Variants in NELL1 observed in about 807,000 individuals in gnomAD.
NELL1 encodes the protein protein kinase C-binding protein NELL1.
In NELL1, 76 loss-of-function variants were observed where a neutral mutation model predicts 107.4. The ratio of observed to expected loss-of-function variants is 0.71; its 90% CI spans 0.59 to 0.86. The LOEUF (loss-of-function observed/expected upper bound fraction) is 0.86. NELL1 is among the 40% of genes least tolerant of loss of function. The probability of loss-of-function intolerance (pLI) is 0.00; values close to 1 mark genes in which losing one functional copy is unlikely to be tolerated. For missense variants in NELL1, 1,024 were observed against 1,005.5 expected (o/e 1.02, Z -0.25); for synonymous variants, 353 against 341.2 (o/e 1.03, Z -0.38).
chr11:21,041,272 C>T (rs1289436425), intron 12 of NELL1, among the ~76,000 whole-genome samples: 1 of 152,108 alleles, frequency 6.6e-6, no homozygotes, highest in Non-Finnish European at 1.5e-5. Context: ...AAGGTAATGC[C>T]TTACCTTGCG....
At chr11:20,893,369 G>GTTT (rs34392122) in intron 5 of NELL1, among the ~76,000 whole-genome samples, 2 of 144,592 alleles carry the variant, frequency 1.4e-5, no homozygotes, top group African/African-American at 5.1e-5. Context: ...TGTATCCCGT[G>GTTT]TTTTTTTTTT....
At chr11:20,783,646 C>T (rs745517885) in intron 2 of NELL1, 34 bp from the exon 3 acceptor site, 1 of 1,557,612 alleles carries the variant, frequency 6.4e-7, no homozygotes, top group Non-Finnish European at 8.8e-7. Context: ...CTTCTCCTCT[C>T]CTGTTTCCTC....
At chr11:21,481,682 T>C (rs929683803) in intron 15 of NELL1, among the ~76,000 whole-genome samples, 38 of 152,212 alleles carry the variant, frequency 2.5e-4, no homozygotes, top group African/African-American at 8.9e-4. Flanking sequence ...TTGTTGAGAC[T>C]GCTGTGCCTC....
chr11:21,263,099 C>T (rs1848565663), intron 14 of NELL1, among the ~76,000 whole-genome samples: 1 of 151,756 alleles, frequency 6.6e-6, no homozygotes, highest in Non-Finnish European at 1.5e-5. Context: ...AACATGGTGT[C>T]CTTTCACTCT....
chr11:20,833,835 G>A (rs1464085229), intron 3 of NELL1, among the ~76,000 whole-genome samples: 1 of 152,230 alleles, frequency 6.6e-6, no homozygotes, highest in South Asian at 2.1e-4. Flanking sequence ...GAGGGATCGT[G>A]GTATGTTTGA....
rs762286143 is a variant in NELL1, at chr11:20,919,268, T to C, written c.693T>C (p.Ser231=). 6.2e-7 allele frequency: 1 copy of C among 1,601,962 alleles called. No homozygotes were observed. Among genetic ancestry groups the C allele is most frequent in the South Asian group, 1.1e-5 (1 of 89,138 alleles). Residue 231 remains serine, a synonymous_variant, in exon 7 of 20, where the codon AGT becomes AGC. Coordinates refer to ENST00000357134, the MANE Select transcript of NELL1 (RefSeq NM_006157.5). ...TTTATTGAGCTTGCCCAACCTGCAG[T>C]GATTTCTTAAGCCTGGTGCAAGGAA... ...PNLNHTCPTC[S]DFLSLVQGIM...
At position 20,787,007 on chromosome 11, in the gene NELL1, C is replaced by CAAAAAAAAAAA. The variant is rs71443763; in HGVS notation, c.335+3191_335+3201dup. Among the ~76,000 whole-genome samples the CAAAAAAAAAAA allele has an allele frequency of 5.8e-4, 35 of 60,850 alleles. 5 individuals are homozygous for CAAAAAAAAAAA. Among genetic ancestry groups the CAAAAAAAAAAA allele is most frequent in the African/African-American group, 2.7e-3 (33 of 12,280 alleles). The allele number at this position is 60,850 out of a possible 152,430, so 39.9% of individuals were successfully genotyped here. A position where few individuals can be genotyped will look rare whatever the true frequency, so the allele number is the denominator to read the frequency against. On this transcript the variant is annotated intron_variant, in intron 3 of 19. Coordinates refer to ENST00000357134, the MANE Select transcript of NELL1 (RefSeq NM_006157.5). ...TAGGCGAAAGAGCGAGACTCCGTCT[C>CAAAAAAAAAAA]AAAAAAAAAAAAAAAAAAAAAAAAG... is the stretch of plus-strand genomic sequence containing the variant.
At chr11:21,093,298 G>A (rs1012787189) in intron 12 of NELL1, among the ~76,000 whole-genome samples, 2 of 152,138 alleles carry the variant, frequency 1.3e-5, no homozygotes, top group Non-Finnish European at 2.9e-5. Context: ...AACCCACAAA[G>A]TCCATCTTTG....
chr11:21,290,390 A>AATAAATAT, intron 14 of NELL1, among the ~76,000 whole-genome samples: 1 of 84,048 alleles, frequency 1.2e-5, no homozygotes, highest in East Asian at 3.1e-4. Context: ...AAATAAATAA[A>AATAAATAT]ATAAATAGAT....
At chr11:21,501,022 G>T (rs915918265) in intron 15 of NELL1, among the ~76,000 whole-genome samples, 1 of 152,040 alleles carries the variant, frequency 6.6e-6, no homozygotes, top group Non-Finnish European at 1.5e-5. Context: ...TCCTGATGGT[G>T]GTAGAGAGTG....
chr11:21,424,304 T>G (rs1852765676), intron 15 of NELL1, among the ~76,000 whole-genome samples: 1 of 151,954 alleles, frequency 6.6e-6, no homozygotes, highest in Non-Finnish European at 1.5e-5. Flanking sequence ...TTAATAGAAA[T>G]AAAGAGGATT....
intron 9 of NELL1, among the ~76,000 whole-genome samples, chr11:20,933,507 A>G (rs75818155): frequency 0.03 from 4,552 of 152,270 alleles, 116 homozygotes; most frequent in Non-Finnish European, 0.047. Context: ...TCTTGCTCAT[A>G]GAGGTGGTAT....
rs746804678 is a variant in NELL1, at chr11:20,678,067, G to C, written c.184+7G>C. ...AAAGCATTTTTATTTCAAGGTAAAGGCACCTCCTTTCTTGCATGGTGGCAG... is the reference window on the plus strand; with the variant it reads ...AAAGCATTTTTATTTCAAGGTAAAGCCACCTCCTTTCTTGCATGGTGGCAG... On this transcript the variant is annotated splice_region_variant and intron_variant, in intron 2 of 19. Coordinates refer to ENST00000357134, the MANE Select transcript of NELL1 (RefSeq NM_006157.5). The C allele has an allele frequency of 1.2e-6, 2 of 1,614,012 alleles. No individual in the cohort carries two copies. The highest frequency in any genetic ancestry group is 2.7e-5 in the African/African-American group (2 of 75,016).
At chr11:20,963,690 G>A (rs909381354) in intron 12 of NELL1, among the ~76,000 whole-genome samples, 3 of 152,030 alleles carry the variant, frequency 2.0e-5, no homozygotes, top group Non-Finnish European at 2.9e-5. Flanking sequence ...GGCTTCATTC[G>A]TTGTCTCTCC....
At chr11:21,301,899 C>T (rs918986713) in intron 14 of NELL1, among the ~76,000 whole-genome samples, 1 of 151,980 alleles carries the variant, frequency 6.6e-6, no homozygotes, top group Non-Finnish European at 1.5e-5. Context: ...CACAGCAATT[C>T]TGTAAGGCAG....
intron 15 of NELL1, among the ~76,000 whole-genome samples, chr11:21,407,788 T>C (rs958269687): frequency 6.6e-6 from 1 of 151,568 alleles, no homozygotes; most frequent in Admixed American, 6.6e-5. Flanking sequence ...CGAATAGTCC[T>C]CAAACATTGC....
intron 2 of NELL1, among the ~76,000 whole-genome samples, chr11:20,702,305 CTGTT>C (rs1196276261): frequency 1.3e-5 from 2 of 152,252 alleles, no homozygotes; most frequent in African/African-American, 2.4e-5. Flanking sequence ...ATTTGGCTCT[CTGTT>C]TGTCTGTTAT....
chr11:20,835,551 T>C (rs556905515), intron 3 of NELL1, among the ~76,000 whole-genome samples: 1 of 152,338 alleles, frequency 6.6e-6, no homozygotes, highest in East Asian at 1.9e-4. Flanking sequence ...ATAAGAAAGT[T>C]TTCTTATTAC....
intron 5 of NELL1, among the ~76,000 whole-genome samples, chr11:20,910,355 A>T (rs760551075): frequency 2.6e-5 from 4 of 152,194 alleles, no homozygotes; most frequent in Admixed American, 6.5e-5. Context: ...GGATGGGGAA[A>T]CAGACTCCCC....
Sources: gnomAD v4.1 joint callset for allele counts (sites outside exome capture counted in the v4.1 genomes callset) on GRCh38, gnomAD v4.1.1 for gene constraint, MANE v1.5 for transcripts, NCBI Gene and HGNC (gene_info 2026-07-23, HGNC 2026-07-21) for gene names.